The following GPT2 variants were observed in gnomAD, a reference collection of about 807,000 sequenced individuals.
GPT2 encodes alanine aminotransferase 2.
A neutral mutation model predicts 56.9 loss-of-function variants in GPT2; 30 were observed. The observed-to-expected ratio is 0.53, with a 90% CI of 0.39 to 0.72. The LOEUF is 0.72. Ranked by LOEUF, GPT2 falls within the 30% of genes least tolerant of loss-of-function variation. The pLI, the probability that GPT2 is intolerant of heterozygous loss-of-function variation, is 0.00. For synonymous variants in GPT2, 271 were observed against 283.1 expected, an observed-to-expected ratio of 0.96 and a Z score of 0.43; for missense variants, 542 against 703.4, an observed-to-expected ratio of 0.77 and a Z score of 2.60.
intron 11 of GPT2, 90 bp from the exon 12 acceptor site, chr16:46,928,817 C>T: frequency 4.2e-6 from 4 of 957,454 alleles, no homozygotes; most frequent in South Asian, 2.6e-5. Context: ...AGACCTCCCT[C>T]TTCCATTCCT....
At chr16:46,924,090 A>T (rs910104124) in intron 9 of GPT2, 1 of 419,336 alleles carries the variant, frequency 2.4e-6, no homozygotes, top group African/African-American at 2.0e-5. Flanking sequence ...GATGTGTTCC[A>T]CCCACCTCCC....
chr16:46,908,832 G>C (rs1318636508), intron 5 of GPT2, among the ~76,000 whole-genome samples: 1 of 152,194 alleles, frequency 6.6e-6, no homozygotes, highest in East Asian at 1.9e-4. Context: ...TCAAGTCATT[G>C]TACTTTAAAA....
chr16:46,908,462 A>C (rs138865675), intron 5 of GPT2, among the ~76,000 whole-genome samples: 1 of 152,002 alleles, frequency 6.6e-6, no homozygotes, highest in African/African-American at 2.4e-5. Flanking sequence ...GGTGCTGTCA[A>C]CTCATCTGTT....
intron 2 of GPT2, among the ~76,000 whole-genome samples, chr16:46,893,122 TG>T (rs5816566): frequency 0.99 from 150,125 of 152,210 alleles, 74,068 homozygotes; most frequent in Middle Eastern, 1. Context: ...CTGAATTTTT[TG>T]TTTGTTTGTT....
At chr16:46,884,561 G>T in intron 1 of GPT2, 94 bp downstream of exon 1, 1 of 967,894 alleles carries the variant, frequency 1.0e-6, no homozygotes, top group East Asian at 3.3e-5. Context: ...CCGGGTCGCC[G>T]GGGGATGGGC....
rs768601281 is a variant in GPT2, at chr16:46,927,023, C to T, written c.1467C>T (p.Gly489=). The T allele has an allele frequency of 8.8e-6, 14 of 1,598,264 alleles. No individual in the cohort carries two copies. Among genetic ancestry groups the T allele is most frequent in the Non-Finnish European group, 8.5e-7 (1 of 1,173,234 alleles). Residue 489 remains glycine (G), a synonymous_variant, in exon 11 of 12, where the codon GGC becomes GGT. Transcript: ENST00000340124. ...VPGSGFGQRE[G]TYHFRMTILP... is the part of the protein sequence containing the mutation. Reference sequence around the variant, plus strand: ...GCAGTGGCTTTGGGCAGAGGGAAGGCACTTACCACTTCAGGTATGACTTCC... The same window carrying T: ...GCAGTGGCTTTGGGCAGAGGGAAGGTACTTACCACTTCAGGTATGACTTCC...
Position 46,884,810 on chromosome 16 carries a change from C to T in GPT2, c.95C>T (p.Ser32Leu). 1.3e-6 allele frequency: 2 copies of T among 1,528,262 alleles called. No homozygotes were observed. Among genetic ancestry groups the T allele is most frequent in the East Asian group, 5.2e-5 (2 of 38,256 alleles). The allele number at this position is 1,528,262 out of a possible 1,614,324, so 94.7% of individuals were successfully genotyped here. A position where few individuals can be genotyped will look rare whatever the true frequency, so the allele number is the denominator to read the frequency against. ...CAGAGCAGCGCGGCCGCCGAGGCCTCGGCGGTGCTCAAGGTGCGGCCCGAG... is the reference window on the plus strand; with the variant it reads ...CAGAGCAGCGCGGCCGCCGAGGCCTTGGCGGTGCTCAAGGTGCGGCCCGAG... The part of the protein sequence containing the change: ...RSQSSAAAEA[S>L]AVLKVRPERS... The change falls in exon 2 of 12, where the codon TCG (serine) becomes TTG (leucine). Residue 32 changes from serine to leucine, a missense_variant. Transcript: ENST00000340124.
intron 4 of GPT2, among the ~76,000 whole-genome samples, chr16:46,905,817 A>G (rs1960913396): frequency 6.6e-6 from 1 of 152,144 alleles, no homozygotes; most frequent in Non-Finnish European, 1.5e-5. Context: ...AACCCCCTGT[A>G]CACTCTCTCA....
At chr16:46,920,384 C>T (rs750229463) in intron 8 of GPT2, among the ~76,000 whole-genome samples, 1 of 152,158 alleles carries the variant, frequency 6.6e-6, no homozygotes, top group African/African-American at 2.4e-5. Context: ...GGGAGATGTC[C>T]GGGTGTGAAT....
At position 46,927,027 on chromosome 16, in the gene GPT2, T is replaced by TA. The variant is rs763884659; in HGVS notation, c.1472dup (p.Tyr491Ter). The change falls in exon 11 of 12, where the codon TAC (tyrosine) becomes TAAC (stop). Residue 491 changes from tyrosine to a stop codon, truncating the protein, a stop_gained and frameshift_variant. Coordinates refer to ENST00000340124, the MANE Select transcript of GPT2 (RefSeq NM_133443.4). LOFTEE classifies it high-confidence loss of function. The stretch of plus-strand genomic sequence containing the variant: ...TGGCTTTGGGCAGAGGGAAGGCACT[T>TA]ACCACTTCAGGTATGACTTCCTCTC... ...GSGFGQREGT[Y>*]HFRMTILPPV... 1 of 1,596,632 alleles carries TA rather than the reference T, an allele frequency of 6.3e-7. No individual in the cohort carries two copies. The highest frequency in any genetic ancestry group is 1.1e-5 in the South Asian group (1 of 88,630).
chr16:46,892,955 C>T (rs950089244), intron 2 of GPT2, among the ~76,000 whole-genome samples: 1 of 152,140 alleles, frequency 6.6e-6, no homozygotes, highest in South Asian at 2.1e-4. Context: ...ATGACCTATG[C>T]ACATCCTCCC....
At position 46,924,370 on chromosome 16, in the gene GPT2, T is replaced by C; in HGVS notation, c.1213-19T>C. 6.8e-6 allele frequency: 11 copies of C among 1,613,734 alleles called. No individual in the cohort carries two copies. The highest frequency in any genetic ancestry group is 9.3e-6 in the Non-Finnish European group (11 of 1,179,584). ...TATCCAGAGATACTGACTGCTGTGC[T>C]GTTTCCATCTCTCATCAGGAGAAGG... On this transcript the variant is annotated intron_variant, in intron 9 of 11. Coordinates refer to ENST00000340124, the MANE Select transcript of GPT2 (RefSeq NM_133443.4).
intron 3 of GPT2, among the ~76,000 whole-genome samples, chr16:46,898,724 A>ATT (rs1272138549): frequency 6.6e-6 from 1 of 150,820 alleles, no homozygotes; most frequent in Non-Finnish European, 1.5e-5. Flanking sequence ...TGATTTTTGT[A>ATT]TTTTTGGTAG....
At chr16:46,903,977 G>GT (rs1960872372) in intron 4 of GPT2, among the ~76,000 whole-genome samples, 1 of 152,250 alleles carries the variant, frequency 6.6e-6, no homozygotes, top group Non-Finnish European at 1.5e-5. Context: ...GGGAGGATGA[G>GT]TAAGAACCTG....
At chr16:46,918,223 G>C (rs2143525982) in intron 7 of GPT2, among the ~76,000 whole-genome samples, 1 of 152,314 alleles carries the variant, frequency 6.6e-6, no homozygotes, top group South Asian at 2.1e-4. Flanking sequence ...CTTCAAATAG[G>C]AGGTCAGAGG....
chr16:46,917,661 A>C (rs1206572722), intron 7 of GPT2, among the ~76,000 whole-genome samples: 1 of 151,918 alleles, frequency 6.6e-6, no homozygotes, highest in African/African-American at 2.4e-5. Context: ...TCACCCCCCC[A>C]CACATGCCAC....
intron 2 of GPT2, among the ~76,000 whole-genome samples, chr16:46,892,957 C>T (rs909694568): frequency 6.6e-6 from 1 of 152,144 alleles, no homozygotes; most frequent in Non-Finnish European, 1.5e-5. Flanking sequence ...GACCTATGCA[C>T]ATCCTCCCGT....
chr16:46,893,961 G>C lies in GPT2; in HGVS notation c.244-3687G>C, dbSNP rs1379439908. ...TCTGGGAGTCTACCCCAGGGCTCTT[G>C]GTATTTCCCATCCCATGTAGACCTT... On this transcript the variant is annotated intron_variant, in intron 2 of 11. Coordinates refer to ENST00000340124, the MANE Select transcript of GPT2 (RefSeq NM_133443.4). Among the ~76,000 whole-genome samples the C allele has an allele frequency of 3.3e-5, 5 of 152,282 alleles. No individual in the cohort carries two copies. In the East Asian group the frequency reaches 5.8e-4, roughly 18 times the overall value.
intron 4 of GPT2, among the ~76,000 whole-genome samples, chr16:46,902,975 G>T (rs533509169): frequency 6.6e-6 from 1 of 152,030 alleles, no homozygotes; most frequent in African/African-American, 2.4e-5. Context: ...TGGGCCGGGC[G>T]TGGTGGCTCA....
Sources: allele counts gnomAD v4.1 joint callset (sites outside exome capture counted in the v4.1 genomes callset), GRCh38; gene constraint gnomAD v4.1.1; transcripts MANE v1.5; gene names NCBI Gene and HGNC (gene_info 2026-07-23, HGNC 2026-07-21).